MAP3K20: variants seen among roughly 807,000 people sequenced by gnomAD.
MAP3K20 encodes HCCS-4.
A neutral mutation model predicts 85.7 loss-of-function variants in MAP3K20; 40 were observed. The ratio of observed to expected loss-of-function variants is 0.47; its 90% CI spans 0.36 to 0.61. MAP3K20 has a LOEUF of 0.61. Ranked by LOEUF, MAP3K20 falls within the 20% of genes least tolerant of loss-of-function variation. The pLI, the probability that MAP3K20 is intolerant of heterozygous loss-of-function variation, is 0.00. For synonymous variants in MAP3K20, 325 were observed against 327.7 expected (o/e 0.99, Z 0.09); for missense variants, 817 against 961.7 (o/e 0.85, Z 1.99).
At chr2:173,160,079 A>G (rs1271677898) in intron 2 of MAP3K20, 1 of 152,084 alleles carries the variant, frequency 6.6e-6, no homozygotes, top group Admixed American at 6.6e-5. Context: ...TTTTTCTTCC[A>G]AAGAAAAGTC....
At chr2:173,140,094 C>T (rs2106212092) in intron 2 of MAP3K20, among the ~76,000 whole-genome samples, 1 of 152,228 alleles carries the variant, frequency 6.6e-6, no homozygotes, top group African/African-American at 2.4e-5. Flanking sequence ...TCACTGCAAC[C>T]TCCGCCTCCC....
intron 2 of MAP3K20, among the ~76,000 whole-genome samples, chr2:173,140,675 A>G (rs528247839): frequency 1.3e-5 from 2 of 152,258 alleles, no homozygotes; most frequent in South Asian, 4.1e-4. Context: ...CTCTGTATTT[A>G]TAACTATCGC....
chr2:173,125,522 A>C (rs1025887542), intron 2 of MAP3K20, among the ~76,000 whole-genome samples: 1 of 146,898 alleles, frequency 6.8e-6, no homozygotes, highest in Non-Finnish European at 1.5e-5. Context: ...TTTTTTTTTA[A>C]ATAAAACTTT....
At chr2:173,169,978 C>T (rs1163678000) in intron 3 of MAP3K20, 86 bp downstream of exon 3, 3 of 1,254,180 alleles carry the variant, frequency 2.4e-6, no homozygotes, top group African/African-American at 3.0e-5. Context: ...ATATTAGGCT[C>T]AGTTATGAAT....
At chr2:173,217,317 C>G in intron 11 of MAP3K20, 67 bp downstream of exon 11, 1 of 1,357,390 alleles carries the variant, frequency 7.4e-7, no homozygotes, top group Non-Finnish European at 9.6e-7. Flanking sequence ...AGCATGGCAG[C>G]ATGGCACCTC....
intron 2 of MAP3K20, among the ~76,000 whole-genome samples, chr2:173,120,701 C>CTTTTTTTTTTTTTTTTTTTT: frequency 2.0e-5 from 1 of 49,214 alleles, no homozygotes; most frequent in Non-Finnish European, 3.2e-5. Flanking sequence ...ACTCTCACTT[C>CTTTTTTTTTTTTTTTTTTTT]TTTTTTTTTT....
chr2:173,096,468 T>C (rs1687464537), intron 2 of MAP3K20, among the ~76,000 whole-genome samples: 2 of 152,054 alleles, frequency 1.3e-5, no homozygotes, highest in South Asian at 4.1e-4. Context: ...GCCTCCTGAG[T>C]AGCTGGGACT....
chr2:173,232,126 TACTGTGAAGACTGGCC>T, intron 12 of MAP3K20, 50 bp from the exon 13 acceptor site: 2 of 1,585,950 alleles, frequency 1.3e-6, no homozygotes, highest in Admixed American at 1.7e-5. Flanking sequence ...ACTCTATGTT[TACTGTGAAGACTGGCC>T]ACTGACCATG....
At chr2:173,140,007 A>G (rs901293845) in intron 2 of MAP3K20, among the ~76,000 whole-genome samples, 38 of 151,638 alleles carry the variant, frequency 2.5e-4, no homozygotes, top group Non-Finnish European at 5.2e-4. Flanking sequence ...ACTTAATTTT[A>G]TTTATTTATT....
At chr2:173,203,168 A>G (rs1305760853) in intron 8 of MAP3K20, among the ~76,000 whole-genome samples, 8 of 152,222 alleles carry the variant, frequency 5.3e-5, no homozygotes. Flanking sequence ...TCTGTGGAAT[A>G]GAGGCACCAC....
At chr2:173,150,605 C>T (rs1417921887) in intron 2 of MAP3K20, among the ~76,000 whole-genome samples, 1 of 152,150 alleles carries the variant, frequency 6.6e-6, no homozygotes, top group Non-Finnish European at 1.5e-5. Flanking sequence ...CTTGTCCTGT[C>T]ACCCAGGCTG....
chr2:173,163,218 A>C (rs971934948), intron 2 of MAP3K20, among the ~76,000 whole-genome samples: 1 of 152,230 alleles, frequency 6.6e-6, no homozygotes, highest in Admixed American at 6.5e-5. Flanking sequence ...AGATTATTTT[A>C]TCACCCAGGT....
intron 2 of MAP3K20, among the ~76,000 whole-genome samples, chr2:173,105,114 G>A (rs1220132274): frequency 6.6e-6 from 1 of 152,174 alleles, no homozygotes; most frequent in Admixed American, 6.5e-5. Flanking sequence ...GAATAGTGAC[G>A]TGAAATGGTT....
intron 1 of MAP3K20, among the ~76,000 whole-genome samples, chr2:173,076,616 A>G (rs1333781021): frequency 6.6e-6 from 1 of 152,264 alleles, no homozygotes; most frequent in Non-Finnish European, 1.5e-5. Flanking sequence ...ACCAGCAGGA[A>G]CAATGAACAC....
chr2:173,141,684 A>T (rs529694691), intron 2 of MAP3K20, among the ~76,000 whole-genome samples: 1 of 152,294 alleles, frequency 6.6e-6, no homozygotes, highest in South Asian at 2.1e-4. Context: ...CCCAACTTTG[A>T]TGAAAACCAT....
At chr2:173,193,538 A>C (rs1033886220) in intron 7 of MAP3K20, among the ~76,000 whole-genome samples, 1 of 152,156 alleles carries the variant, frequency 6.6e-6, no homozygotes, top group African/African-American at 2.4e-5. Flanking sequence ...GATGAAGTAC[A>C]ATCTTAGTAC....
chr2:173,158,000 G>A (rs1346777117), intron 2 of MAP3K20, among the ~76,000 whole-genome samples: 1 of 151,840 alleles, frequency 6.6e-6, no homozygotes, highest in African/African-American at 2.4e-5. Flanking sequence ...AAGTGGAGTG[G>A]TATGGTTTAC....
intron 2 of MAP3K20, among the ~76,000 whole-genome samples, chr2:173,126,786 T>G (rs1308170706): frequency 6.6e-6 from 1 of 152,206 alleles, no homozygotes; most frequent in Non-Finnish European, 1.5e-5. Flanking sequence ...TTACAGACTA[T>G]TCTAGGCAAT....
intron 1 of MAP3K20, 29 bp downstream of exon 1, chr2:173,076,031 G>C: frequency 1.0e-6 from 1 of 984,042 alleles, no homozygotes; most frequent in Non-Finnish European, 1.2e-6. Flanking sequence ...CCCGCGGAGG[G>C]CGGGGAGGGA....
Sources: gnomAD v4.1 joint callset for allele counts (sites outside exome capture counted in the v4.1 genomes callset) on GRCh38, gnomAD v4.1.1 for gene constraint, MANE v1.5 for transcripts, NCBI Gene and HGNC (gene_info 2026-07-23, HGNC 2026-07-21) for gene names.